MAT2A: variants seen among roughly 807,000 people sequenced by gnomAD.
The protein encoded by MAT2A is S-adenosylmethionine synthase isoform type-2.
Under a neutral mutation model 43.9 loss-of-function variants are expected in MAT2A, and 3 were observed. The ratio of observed to expected loss-of-function variants is 0.07; its 90% CI spans 0.03 to 0.18. MAT2A has a LOEUF of 0.18. Ranked by LOEUF, MAT2A falls within the 10% of genes least tolerant of loss-of-function variation. The pLI is 1.00. For synonymous variants in MAT2A, 200 were observed against 168.4 expected (o/e 1.19, Z -1.45); for missense variants, 204 against 489.0 (o/e 0.42, Z 5.50).
At position 85,539,177 on chromosome 2, in the gene MAT2A, G is replaced by A. The variant is rs147348486; in HGVS notation, c.-111G>A. 12,044 of 781,030 alleles carry A rather than the reference G, an allele frequency of 0.015. 151 individuals carry two copies. Among genetic ancestry groups the A allele is most frequent in the South Asian group, 0.03 (1,761 of 58,728 alleles). 48.4% of individuals were successfully genotyped at this position (781,030 alleles called of 1,614,324 possible). ...CACCGCCCGCTGCTTCGTTCGCTCC[G>A]CGCCGCCCGCCTGCTACGAGTAGAA... On this transcript the variant is annotated 5_prime_UTR_variant, in exon 1 of 9. Coordinates refer to ENST00000306434, the MANE Select transcript of MAT2A (RefSeq NM_005911.6).
At chr2:85,539,471 G>C (rs1691398052) in intron 1 of MAT2A, 93 bp downstream of exon 1, 3 of 982,014 alleles carry the variant, frequency 3.1e-6, no homozygotes, top group Non-Finnish European at 1.4e-6. Context: ...GGGCCCGCGC[G>C]GGTCGTCCTC....
chr2:85,542,789 G>A (rs759028091), intron 7 of MAT2A, 42 bp downstream of exon 7: 59 of 1,563,400 alleles, frequency 3.8e-5, no homozygotes, highest in Middle Eastern at 1.7e-4. Context: ...AGTCATGTAA[G>A]TGGGAGGGTA....
At chr2:85,541,043 T>TA in intron 1 of MAT2A, 40 bp from the exon 2 acceptor site, 1 of 1,463,068 alleles carries the variant, frequency 6.8e-7, no homozygotes. Context: ...ATACTTTGTT[T>TA]AAAGTTAAAG....
intron 1 of MAT2A, 199 bp downstream of exon 1, chr2:85,539,577 T>TCCACCCTTCCCTTCCCCCCTCC: frequency 2.2e-6 from 1 of 464,960 alleles, no homozygotes; most frequent in Non-Finnish European, 3.8e-6. Context: ...CCCTCCCCTC[T>TCCACCCTTCCCTTCCCCCCTCC]CCACCCTTCC....
chr2:85,541,547 TCAG>T (rs1022555036), intron 3 of MAT2A, 83 bp from the exon 4 acceptor site: 9 of 1,311,348 alleles, frequency 6.9e-6, no homozygotes, highest in Non-Finnish European at 9.5e-6. Context: ...TTTGATTTCT[TCAG>T]CAGTGTTTAG....
Position 85,542,759 on chromosome 2 carries a change from T to A in MAT2A, c.951+12T>A. 7 of 1,594,294 alleles carry A rather than the reference T, an allele frequency of 4.4e-6. No homozygotes were observed. The highest frequency in any genetic ancestry group is 6.0e-6 in the Non-Finnish European group (7 of 1,167,042). ...GGGTTCTTGTTCAGGTATACACTCT[T>A]TATATAACGAACGATTAAAAGTCAT... On this transcript the variant is annotated intron_variant, in intron 7 of 8. Coordinates refer to ENST00000306434, the MANE Select transcript of MAT2A (RefSeq NM_005911.6).
chr2:85,544,661 CTTT>C lies in MAT2A; in HGVS notation c.*897_*899del, dbSNP rs550275542. 1 of 151,028 alleles carries C rather than the reference CTTT, an allele frequency of 6.6e-6. No homozygotes were observed. Among genetic ancestry groups the C allele is most frequent in the East Asian group, 1.9e-4 (1 of 5,144 alleles). 9.4% of individuals were successfully genotyped at this position (151,028 alleles called of 1,614,324 possible). A position where few individuals can be genotyped will look rare whatever the true frequency, so the allele number is the denominator to read the frequency against. On this transcript the variant is annotated 3_prime_UTR_variant, in exon 9 of 9. Coordinates refer to ENST00000306434, the MANE Select transcript of MAT2A (RefSeq NM_005911.6). ...GGTTGCACACTTTGGTACCAGATAA[CTTT>C]TTTTTTTCTTTATAAGAAAGCCTGA...
At chr2:85,539,453 CG>C in intron 1 of MAT2A, 75 bp downstream of exon 1, 1 of 1,235,378 alleles carries the variant, frequency 8.1e-7, no homozygotes, top group Non-Finnish European at 1.1e-6. Flanking sequence ...TGCGGCCGGC[CG>C]GTGGTGGGGC....
intron 7 of MAT2A, 48 bp from the exon 8 acceptor site, chr2:85,542,853 T>C: frequency 6.3e-7 from 1 of 1,595,250 alleles, no homozygotes; most frequent in Non-Finnish European, 8.6e-7. Context: ...TATACAAGTA[T>C]ATGGGTCTTT....
In MAT2A at chr2:85,542,108, A is replaced by G. The variant is rs377205654; in HGVS notation, c.550-47A>G. On this transcript the variant is annotated intron_variant, in intron 5 of 8. Transcript: ENST00000306434. ...AACTTCAGGTAGAGAAACAAATACA[A>G]AGTTATTGTTTGGTGTGATGTTCTG... 4.0e-5 allele frequency: 63 copies of G among 1,579,176 alleles called. No homozygotes were observed. The South Asian group carries it at 5.4e-4, about 14-fold the overall frequency.
At position 85,544,483 on chromosome 2, in the gene MAT2A, C is replaced by T. The variant is rs980209264; in HGVS notation, c.*711C>T. ...CCACTTTCAGCTGTCTTTTGGAGGACGTACGTAATAAGGTTTTAATTTAGT... is the reference window on the plus strand; with the variant it reads ...CCACTTTCAGCTGTCTTTTGGAGGATGTACGTAATAAGGTTTTAATTTAGT... On this transcript the variant is annotated 3_prime_UTR_variant, in exon 9 of 9. Coordinates refer to ENST00000306434, the MANE Select transcript of MAT2A (RefSeq NM_005911.6). 4.6e-5 allele frequency: 7 copies of T among 152,600 alleles called. No individual in the cohort carries two copies. Among genetic ancestry groups the T allele is most frequent in the Non-Finnish European group, 7.3e-5 (5 of 68,032 alleles). The allele number at this position is 152,600 out of a possible 1,614,324, so 9.5% of individuals were successfully genotyped here.
chr2:85,539,405 T>G, intron 1 of MAT2A, 27 bp downstream of exon 1: 1 of 1,571,788 alleles, frequency 6.4e-7, no homozygotes, highest in African/African-American at 1.4e-5. Context: ...AAGCGAAGCG[T>G]GGGGCGGGGC....
Position 85,539,245 on chromosome 2 carries a change from C to G in MAT2A, c.-43C>G. ...GCATTTCGCAGCCGCTGCCGCCTCGCCGCTGCTCCTTCGTAAGGCCACTTC... is the reference window on the plus strand; with the variant it reads ...GCATTTCGCAGCCGCTGCCGCCTCGGCGCTGCTCCTTCGTAAGGCCACTTC... On this transcript the variant is annotated 5_prime_UTR_variant, in exon 1 of 9. Coordinates refer to ENST00000306434, the MANE Select transcript of MAT2A (RefSeq NM_005911.6). 1.4e-6 allele frequency: 2 copies of G among 1,440,220 alleles called. No homozygotes were observed. Among genetic ancestry groups the G allele is most frequent in the South Asian group, 1.2e-5 (1 of 83,874 alleles). The allele number at this position is 1,440,220 out of a possible 1,614,324, so 89.2% of individuals were successfully genotyped here. A position where few individuals can be genotyped will look rare whatever the true frequency, so the allele number is the denominator to read the frequency against.
intron 5 of MAT2A, 91 bp from the exon 6 acceptor site, chr2:85,542,064 A>C: frequency 6.3e-7 from 1 of 1,580,680 alleles, no homozygotes; most frequent in East Asian, 2.2e-5. Flanking sequence ...AAAAAATAGC[A>C]TTTGTTTTCC....
At chr2:85,542,408 G>A (rs1208841557) in intron 6 of MAT2A, 35 bp downstream of exon 6, 3 of 1,598,276 alleles carry the variant, frequency 1.9e-6, no homozygotes, top group Non-Finnish European at 8.6e-7. Context: ...CTGGATTTTT[G>A]ATGGTTACTT....
rs972954833 is a variant in MAT2A at position 85,545,211 on chromosome 2, T to C, written c.*1439T>C. 13 of 152,776 alleles carry C rather than the reference T, an allele frequency of 8.5e-5. No homozygotes were observed. Among genetic ancestry groups the C allele is most frequent in the African/African-American group, 2.4e-4 (10 of 41,580 alleles). The allele number at this position is 152,776 out of a possible 1,614,324, so 9.5% of individuals were successfully genotyped here. ...TTCAGGATCTATTTTTGGAGGTTTA[T>C]TACGTATGTCTGGTTCTCAATTCCA... On this transcript the variant is annotated 3_prime_UTR_variant, in exon 9 of 9. Coordinates refer to ENST00000306434, the MANE Select transcript of MAT2A (RefSeq NM_005911.6).
Position 85,539,207 on chromosome 2 carries a change from G to C in MAT2A, c.-81G>C, listed in dbSNP as rs1049022512. The C allele has an allele frequency of 5.0e-6, 5 of 1,010,000 alleles. No homozygotes were observed. Among genetic ancestry groups the C allele is most frequent in the Non-Finnish European group, 4.5e-6 (3 of 664,530 alleles). 62.6% of individuals were successfully genotyped at this position (1,010,000 alleles called of 1,614,324 possible). A position where few individuals can be genotyped will look rare whatever the true frequency, so the allele number is the denominator to read the frequency against. On this transcript the variant is annotated 5_prime_UTR_variant, in exon 1 of 9. Transcript: ENST00000306434. ...GCCCGCCTGCTACGAGTAGAACGCT[G>C]TCCGCAGCTTGCGCATTTCGCAGCC...
At chr2:85,542,130 T>A (rs751738967) in intron 5 of MAT2A, 25 bp from the exon 6 acceptor site, 39 of 1,599,304 alleles carry the variant, frequency 2.4e-5, no homozygotes, top group Non-Finnish European at 1.7e-6. Flanking sequence ...GGTGTGATGT[T>A]CTGATGACCT....
rs1053136247 is a variant in MAT2A at position 85,539,230 on chromosome 2, G to C, written c.-58G>C. The C allele has an allele frequency of 3.0e-5, 39 of 1,292,472 alleles. No homozygotes were observed. Among genetic ancestry groups the C allele is most frequent in the Non-Finnish European group, 4.1e-5 (37 of 913,510 alleles). The allele number at this position is 1,292,472 out of a possible 1,614,324, so 80.1% of individuals were successfully genotyped here. Reference sequence around the variant, plus strand: ...CTGTCCGCAGCTTGCGCATTTCGCAGCCGCTGCCGCCTCGCCGCTGCTCCT... The same window carrying C: ...CTGTCCGCAGCTTGCGCATTTCGCACCCGCTGCCGCCTCGCCGCTGCTCCT... On this transcript the variant is annotated 5_prime_UTR_variant, in exon 1 of 9. Coordinates refer to ENST00000306434, the MANE Select transcript of MAT2A (RefSeq NM_005911.6).
Sources: gnomAD v4.1 joint callset for allele counts on GRCh38, gnomAD v4.1.1 for gene constraint, MANE v1.5 for transcripts, NCBI Gene and HGNC (gene_info 2026-07-23, HGNC 2026-07-21) for gene names.